PPFIBP1: variants seen among roughly 807,000 people sequenced by gnomAD.
PPFIBP1 encodes PPFIB scaffold protein 1, also known as liprin-beta-1.
Under a neutral mutation model 137.8 loss-of-function variants are expected in PPFIBP1, and 112 were observed. The ratio of observed to expected loss-of-function variants is 0.81; its 90% CI spans 0.70 to 0.95. The LOEUF (loss-of-function observed/expected upper bound fraction) is 0.95, where lower values mean the gene tolerates loss of function less well. PPFIBP1 is among the 40% of genes least tolerant of loss of function. The pLI is 0.00. For synonymous variants in PPFIBP1, 378 were observed against 417.3 expected (o/e 0.91, Z 1.15); for missense variants, 1,083 against 1,196.6 (o/e 0.91, Z 1.40).
At chr12:27,570,306 A>T (rs944423906) in intron 1 of PPFIBP1, among the ~76,000 whole-genome samples, 8 of 152,174 alleles carry the variant, frequency 5.3e-5, no homozygotes, top group African/African-American at 1.9e-4. Context: ...ATAATAAAAT[A>T]GCTGGATACT....
At chr12:27,608,932 CT>C in intron 2 of PPFIBP1, 2 of 188,754 alleles carry the variant, frequency 1.1e-5, no homozygotes, top group Non-Finnish European at 1.1e-5. Context: ...TTCCTGCTGC[CT>C]TTTTGGGCTT....
rs2059915762 is a variant in PPFIBP1 at position 27,667,306 on chromosome 12, A to C, written c.1132A>C (p.Ser378Arg). 6.2e-7 allele frequency: 1 copy of C among 1,602,508 alleles called. No individual in the cohort carries two copies. The highest frequency in any genetic ancestry group is 8.5e-7 in the Non-Finnish European group (1 of 1,176,542). The part of the protein sequence containing the change: ...GSPSCDPFNT[S>R]VPEEFHTTIL... Reference sequence around the variant, plus strand: ...TCCCAGTTGTGACCCATTTAACACAAGTGTTCCCGAAGAGGTATTAATAGA... The same window carrying C: ...TCCCAGTTGTGACCCATTTAACACACGTGTTCCCGAAGAGGTATTAATAGA... Residue 378 changes from serine to arginine, a missense_variant, in exon 13 of 30, where the codon AGT becomes CGT. Physicochemically the swap from Ser to Arg is moderately radical, Grantham distance 110. Coordinates refer to ENST00000228425, the MANE Select transcript of PPFIBP1 (RefSeq NM_003622.4).
At chr12:27,625,562 ATTTTACAGTT>A (rs1233623285) in intron 2 of PPFIBP1, among the ~76,000 whole-genome samples, 1 of 147,936 alleles carries the variant, frequency 6.8e-6, no homozygotes, top group African/African-American at 2.5e-5. Context: ...TTCTATACTT[ATTTTACAGTT>A]TTTTACAGTT....
chr12:27,581,211 G>C (rs145836098), intron 2 of PPFIBP1, among the ~76,000 whole-genome samples: 87 of 152,286 alleles, frequency 5.7e-4, no homozygotes, highest in African/African-American at 1.8e-3. Flanking sequence ...TCAGTCTTAG[G>C]TGTTCTGGCA....
In PPFIBP1 at chr12:27,674,234, C is replaced by G. The variant is rs530646100; in HGVS notation, c.1410+13C>G. On this transcript the variant is annotated intron_variant, in intron 17 of 29. Coordinates refer to ENST00000228425, the MANE Select transcript of PPFIBP1 (RefSeq NM_003622.4). ...GAAGACTTCAGAGGTAACTTTTTGT[C>G]CAAATTACAATGCAAAAATATTTCT... The G allele has an allele frequency of 8.9e-6, 14 of 1,577,882 alleles. No homozygotes were observed. In the South Asian group the frequency reaches 1.6e-4, roughly 18 times the overall value.
At chr12:27,558,071 A>G (rs2048844765) in intron 1 of PPFIBP1, among the ~76,000 whole-genome samples, 1 of 152,220 alleles carries the variant, frequency 6.6e-6, no homozygotes, top group Admixed American at 6.5e-5. Flanking sequence ...GTATATGTAG[A>G]AAGTGTTCTT....
Position 27,664,461 on chromosome 12 carries a change from T to G in PPFIBP1, c.991+15T>G. 1 of 1,564,600 alleles carries G rather than the reference T, an allele frequency of 6.4e-7. No homozygotes were observed. The highest frequency in any genetic ancestry group is 8.7e-7 in the Non-Finnish European group (1 of 1,152,026). On this transcript the variant is annotated intron_variant, in intron 12 of 29. Coordinates refer to ENST00000228425, the MANE Select transcript of PPFIBP1 (RefSeq NM_003622.4). ...AGGTAAAAAAGGTAGAGTGTAGCTC[T>G]AAAAGTTTTTCTACTTTGGTTGACT...
chr12:27,563,213 A>T (rs979896330), intron 1 of PPFIBP1, among the ~76,000 whole-genome samples: 4 of 136,908 alleles, frequency 2.9e-5, no homozygotes, highest in African/African-American at 1.1e-4. Context: ...AGGCTGAGGT[A>T]GGCGGATCAC....
intron 2 of PPFIBP1, among the ~76,000 whole-genome samples, chr12:27,619,246 A>G (rs545539932): frequency 2.0e-5 from 3 of 152,310 alleles, no homozygotes; most frequent in East Asian, 3.9e-4. Context: ...CTATAACGTA[A>G]GAATATCCTC....
intron 1 of PPFIBP1, among the ~76,000 whole-genome samples, chr12:27,545,056 A>G (rs944937701): frequency 2.0e-5 from 3 of 152,228 alleles, no homozygotes; most frequent in Non-Finnish European, 4.4e-5. Flanking sequence ...ATGCAGCCAT[A>G]AAAAAGAATG....
intron 22 of PPFIBP1, among the ~76,000 whole-genome samples, 173 bp downstream of exon 22, chr12:27,681,869 A>G (rs1039195950): frequency 2.6e-5 from 4 of 152,022 alleles, no homozygotes; most frequent in South Asian, 2.1e-4. Context: ...TCTTGGGAGG[A>G]CCTGGTCTTG....
In PPFIBP1 at chr12:27,620,376, C is replaced by T. The variant is rs571597246; in HGVS notation, c.-35-12986C>T. On this transcript the variant is annotated intron_variant, in intron 2 of 29. Transcript: ENST00000228425. The stretch of plus-strand genomic sequence containing the variant: ...GCTCACCAGCTTCCGGCCCACTAAC[C>T]TCAAACATCAACTACATGAAGCTCT... 6.9e-4 allele frequency among the ~76,000 whole-genome samples: 105 copies of T among 152,324 alleles called. No individual in the cohort carries two copies. In the Middle Eastern group the frequency reaches 0.01, roughly 15 times the overall value.
intron 2 of PPFIBP1, among the ~76,000 whole-genome samples, chr12:27,624,069 G>A (rs1565890484): frequency 6.6e-6 from 1 of 152,052 alleles, no homozygotes; most frequent in South Asian, 2.1e-4. Context: ...TGTGTCCCAG[G>A]ACAAAGAAGA....
intron 6 of PPFIBP1, among the ~76,000 whole-genome samples, chr12:27,648,551 G>A (rs925799029): frequency 5.9e-5 from 9 of 152,202 alleles, no homozygotes; most frequent in Admixed American, 2.0e-4. Flanking sequence ...CTGTGCTCCC[G>A]AGTTTGCTGC....
At position 27,681,567 on chromosome 12, in the gene PPFIBP1, C is replaced by A; in HGVS notation, c.1917C>A (p.Ala639=). ...QSNSDLDMPF[A]KWTKEQVCNW... ...GTAGTGACTTGGATATGCCATTTGC[C>A]AAGTGGACCAAGGAGCAGGTTTGCA... The change falls in exon 22 of 30, where the codon GCC becomes GCA. Residue 639 remains alanine (A), a synonymous_variant. Transcript: ENST00000228425. The A allele has an allele frequency of 6.2e-7, 1 of 1,614,036 alleles. No individual in the cohort carries two copies. The highest frequency in any genetic ancestry group is 8.5e-7 in the Non-Finnish European group (1 of 1,179,972).
In PPFIBP1 at chr12:27,672,040, C is replaced by T. The variant is rs138220376; in HGVS notation, c.1263-387C>T. Reference sequence around the variant, plus strand: ...GAGCCGAGATCACATCACTCTACTCCAGCCTGGGTGACAGAGCGAGACTCT... The same window carrying T: ...GAGCCGAGATCACATCACTCTACTCTAGCCTGGGTGACAGAGCGAGACTCT... On this transcript the variant is annotated intron_variant, in intron 14 of 29. Coordinates refer to ENST00000228425, the MANE Select transcript of PPFIBP1 (RefSeq NM_003622.4). Among the ~76,000 whole-genome samples the T allele has an allele frequency of 3.8e-3, 573 of 152,146 alleles. 4 individuals carry two copies. Among genetic ancestry groups the T allele is most frequent in the African/African-American group, 0.013 (543 of 41,494 alleles).
intron 2 of PPFIBP1, among the ~76,000 whole-genome samples, chr12:27,589,306 C>CT (rs981597042): frequency 6.6e-5 from 10 of 152,104 alleles, no homozygotes; most frequent in African/African-American, 2.2e-4. Flanking sequence ...AGACTCTATT[C>CT]TTGTGGCCAG....
At chr12:27,566,514 T>A (rs752657968) in intron 1 of PPFIBP1, among the ~76,000 whole-genome samples, 4 of 152,186 alleles carry the variant, frequency 2.6e-5, no homozygotes, top group African/African-American at 4.8e-5. Context: ...AGAATAGTGA[T>A]GGGGGACAGG....
rs1264561365 is a variant in PPFIBP1 at position 27,681,440 on chromosome 12, A to G, written c.1896-106A>G. 6.9e-6 allele frequency: 9 copies of G among 1,295,958 alleles called. No individual in the cohort carries two copies. The East Asian group carries it at 2.1e-4, about 30-fold the overall frequency. 80.3% of individuals were successfully genotyped at this position (1,295,958 alleles called of 1,614,324 possible). A position where few individuals can be genotyped will look rare whatever the true frequency, so the allele number is the denominator to read the frequency against. Reference sequence around the variant, plus strand: ...AGCTTTTCATGGTCAAATGTGTATCACCAGGGAATTTCCATGTCTATTGAA... The same window carrying G: ...AGCTTTTCATGGTCAAATGTGTATCGCCAGGGAATTTCCATGTCTATTGAA... On this transcript the variant is annotated intron_variant, in intron 21 of 29. Transcript: ENST00000228425.
Sources: gnomAD v4.1 joint callset for allele counts (sites outside exome capture counted in the v4.1 genomes callset) on GRCh38, gnomAD v4.1.1 for gene constraint, MANE v1.5 for transcripts, NCBI Gene and HGNC (gene_info 2026-07-23, HGNC 2026-07-21) for gene names.